Variants in MPPED2 observed in about 807,000 individuals in gnomAD.
MPPED2 encodes metallophosphoesterase MPPED2.
Under a neutral mutation model 33.0 loss-of-function variants are expected in MPPED2, and 5 were observed. That is an observed-to-expected ratio of 0.15 (90% confidence interval 0.08 to 0.32). The LOEUF is 0.32. MPPED2 is among the 10% of genes least tolerant of loss of function. MPPED2 has a pLI of 1.00. For missense variants in MPPED2, 275 were observed against 372.1 expected, an observed-to-expected ratio of 0.74 and a Z score of 2.15; for synonymous variants, 136 against 141.9, an observed-to-expected ratio of 0.96 and a Z score of 0.29.
intron 2 of MPPED2, among the ~76,000 whole-genome samples, chr11:30,577,495 G>A (rs1956981414): frequency 6.6e-6 from 1 of 152,198 alleles, no homozygotes; most frequent in Non-Finnish European, 1.5e-5. Flanking sequence ...GGGGAGAGGA[G>A]CAAAGTTCTG....
intron 3 of MPPED2, among the ~76,000 whole-genome samples, chr11:30,499,038 C>T (rs931332932): frequency 2.6e-5 from 4 of 152,148 alleles, no homozygotes; most frequent in African/African-American, 9.7e-5. Flanking sequence ...GTCCTCGCTG[C>T]TACTTGACGT....
At chr11:30,565,861 T>G (rs2134759308) in intron 2 of MPPED2, among the ~76,000 whole-genome samples, 1 of 152,350 alleles carries the variant, frequency 6.6e-6, no homozygotes, top group East Asian at 1.9e-4. Flanking sequence ...ATACTTACTT[T>G]GAATTTCCTT....
intron 4 of MPPED2, among the ~76,000 whole-genome samples, chr11:30,473,832 AC>A (rs1247467083): frequency 2.6e-5 from 4 of 152,130 alleles, no homozygotes; most frequent in African/African-American, 9.7e-5. Flanking sequence ...TAAACAGAAA[AC>A]CCAGAAAACC....
At chr11:30,548,863 A>G (rs1955568429) in intron 2 of MPPED2, among the ~76,000 whole-genome samples, 1 of 152,154 alleles carries the variant, frequency 6.6e-6, no homozygotes, top group African/African-American at 2.4e-5. Context: ...ATTTTTCTAA[A>G]TTTGTTAAAG....
intron 3 of MPPED2, among the ~76,000 whole-genome samples, chr11:30,515,326 G>A (rs1953465867): frequency 6.6e-6 from 1 of 152,100 alleles, no homozygotes; most frequent in Non-Finnish European, 1.5e-5. Context: ...GTAGTGCACT[G>A]GCTGTGAGAG....
chr11:30,473,241 C>T (rs983773313), intron 4 of MPPED2, among the ~76,000 whole-genome samples: 5 of 152,108 alleles, frequency 3.3e-5, no homozygotes, highest in African/African-American at 7.2e-5. Flanking sequence ...TTTCACCTCT[C>T]GTCACGCATT....
intron 4 of MPPED2, among the ~76,000 whole-genome samples, chr11:30,480,742 C>T (rs1244601397): frequency 6.6e-6 from 1 of 152,146 alleles, no homozygotes; most frequent in African/African-American, 2.4e-5. Flanking sequence ...CTGTGTTCTT[C>T]CTAGAGTGTC....
At chr11:30,406,220 C>A (rs571306639), downstream of MPPED2, among the ~76,000 whole-genome samples, 3 of 152,154 alleles carry the variant, frequency 2.0e-5, no homozygotes, top group Admixed American at 6.5e-5. Flanking sequence ...CTTGTTTTCT[C>A]TTCACAGATT....
chr11:30,564,443 T>C (rs1225529577), intron 2 of MPPED2, among the ~76,000 whole-genome samples: 3 of 152,158 alleles, frequency 2.0e-5, no homozygotes, highest in Non-Finnish European at 4.4e-5. Flanking sequence ...ACCTTTGCAA[T>C]GGCCCTTTGA....
intron 4 of MPPED2, among the ~76,000 whole-genome samples, chr11:30,478,883 T>G (rs1446656755): frequency 1.3e-5 from 2 of 152,126 alleles, no homozygotes; most frequent in Non-Finnish European, 2.9e-5. Flanking sequence ...GTGGGTTTTT[T>G]GTTGCTGTTC....
rs1364126039 is a variant in MPPED2, at chr11:30,438,076, G to A, written c.537-20443C>T. 3.3e-5 allele frequency among the ~76,000 whole-genome samples: 5 copies of A among 152,098 alleles called. No homozygotes were observed. The South Asian group carries it at 1.0e-3, about 32-fold the overall frequency. On this transcript the variant is annotated intron_variant, in intron 4 of 6. Coordinates refer to ENST00000358117, the MANE Select transcript of MPPED2 (RefSeq NM_001584.3). Reference sequence around the variant, plus strand: ...TTATAATAAAGCTCAGTTAAAATACGCAAAGCACTTAGAATGGTGCCTGAC... The same window carrying A: ...TTATAATAAAGCTCAGTTAAAATACACAAAGCACTTAGAATGGTGCCTGAC...
rs1451970158 is a variant in MPPED2, at chr11:30,504,760, G to T, written c.311-9239C>A. 8 of 1,288,272 alleles carry T rather than the reference G, an allele frequency of 6.2e-6. No homozygotes were observed. In the Admixed American group the frequency reaches 1.8e-4, roughly 30 times the overall value. 79.8% of individuals were successfully genotyped at this position (1,288,272 alleles called of 1,614,324 possible). On this transcript the variant is annotated intron_variant, in intron 3 of 6. Transcript: ENST00000358117. ...CACTTGCTGATGGAGCCACACAGCA[G>T]GTTCAGACTGCTACCTTCTCCTCTG...
At chr11:30,430,783 A>T (rs189205481) in intron 4 of MPPED2, among the ~76,000 whole-genome samples, 5 of 152,208 alleles carry the variant, frequency 3.3e-5, no homozygotes, top group Non-Finnish European at 7.3e-5. Context: ...AATTCTGAAG[A>T]CTAGGTGGCA....
intron 4 of MPPED2, among the ~76,000 whole-genome samples, chr11:30,438,541 T>C (rs1949423169): frequency 6.6e-6 from 1 of 152,248 alleles, no homozygotes; most frequent in Non-Finnish European, 1.5e-5. Flanking sequence ...CTATGTGCCA[T>C]GTGCTGATGC....
At chr11:30,545,568 G>A (rs1955372936) in intron 2 of MPPED2, among the ~76,000 whole-genome samples, 1 of 152,098 alleles carries the variant, frequency 6.6e-6, no homozygotes, top group African/African-American at 2.4e-5. Flanking sequence ...ATGAGAAATG[G>A]CAGCAGTTTT....
At chr11:30,448,318 C>T (rs776637425) in intron 4 of MPPED2, among the ~76,000 whole-genome samples, 4 of 152,194 alleles carry the variant, frequency 2.6e-5, no homozygotes, top group Non-Finnish European at 5.9e-5. Flanking sequence ...AAGAAATCAA[C>T]AGCTCCCTGG....
Position 30,446,352 on chromosome 11 carries a change from G to A in MPPED2, c.537-28719C>T, listed in dbSNP as rs16920678. On this transcript the variant is annotated intron_variant, in intron 4 of 6. Coordinates refer to ENST00000358117, the MANE Select transcript of MPPED2 (RefSeq NM_001584.3). ...TACCAAGCTCTGCTAAGAATTCACC[G>A]GCTTGATCTTGGCATCACTGAAATT... 7.4e-3 allele frequency among the ~76,000 whole-genome samples: 1,123 copies of A among 152,262 alleles called. 23 individuals carry two copies. Among genetic ancestry groups the A allele is most frequent in the African/African-American group, 0.026 (1,067 of 41,532 alleles).
chr11:30,584,882 T>G (rs967542436), intron 1 of MPPED2: 4 of 152,248 alleles, frequency 2.6e-5, no homozygotes, highest in African/African-American at 9.6e-5. Flanking sequence ...CTTTTTTCAC[T>G]TAAACTTTTG....
chr11:30,549,950 A>C (rs2134615880), intron 2 of MPPED2, among the ~76,000 whole-genome samples: 1 of 152,260 alleles, frequency 6.6e-6, no homozygotes, highest in East Asian at 1.9e-4. Context: ...GGGGCATGTT[A>C]AGTTCAAATC....
Sources: gnomAD v4.1 joint callset for allele counts (sites outside exome capture counted in the v4.1 genomes callset) on GRCh38, gnomAD v4.1.1 for gene constraint, MANE v1.5 for transcripts, NCBI Gene and HGNC (gene_info 2026-07-23, HGNC 2026-07-21) for gene names.